FBH1: variants seen among roughly 807,000 people sequenced by gnomAD.
FBH1 encodes the protein F-box DNA helicase 1.
In FBH1, 43 loss-of-function variants were observed where a neutral mutation model predicts 115.5. That is an observed-to-expected ratio of 0.37 (90% CI 0.29 to 0.48). The LOEUF (loss-of-function observed/expected upper bound fraction) is 0.48. Ranked by LOEUF, FBH1 falls within the 20% of genes least tolerant of loss-of-function variation. The probability of loss-of-function intolerance (pLI) is 0.99; values close to 1 mark genes in which losing one functional copy is unlikely to be tolerated. For synonymous variants in FBH1, 524 were observed against 507.8 expected, an observed-to-expected ratio of 1.03 and a Z score of -0.43; for missense variants, 1,001 against 1,337.3, an observed-to-expected ratio of 0.75 and a Z score of 3.92.
rs753988824 is a variant in FBH1 at position 5,894,338 on chromosome 10, G to T, written c.1+3992G>T. Reference sequence around the variant, plus strand: ...TTCTTTGGTTCTGACATTTCACAATGATTTTAAAAAAATGTAATATGGAAA... The same window carrying T: ...TTCTTTGGTTCTGACATTTCACAATTATTTTAAAAAAATGTAATATGGAAA... On this transcript the variant is annotated intron_variant, in intron 1 of 20. Coordinates refer to ENST00000362091, the MANE Select transcript of FBH1 (RefSeq NM_178150.3). 8.4e-6 allele frequency: 13 copies of T among 1,549,492 alleles called. No individual in the cohort carries two copies. The African/African-American group carries it at 1.5e-4, about 18-fold the overall frequency.
In FBH1 at chr10:5,923,428, C is replaced by T. The variant is rs180998543; in HGVS notation, c.2323-193C>T. On this transcript the variant is annotated intron_variant, in intron 15 of 20. Coordinates refer to ENST00000362091, the MANE Select transcript of FBH1 (RefSeq NM_178150.3). The surrounding 1 kb of genome is among the most constrained non-coding windows in gnomAD (Gnocchi z 5.7). Reference sequence around the variant, plus strand: ...GTGTTCAGGCCACGTGGCAGCCTTGCGCTTTCTGCTTCATGAAGTTTCCTG... The same window carrying T: ...GTGTTCAGGCCACGTGGCAGCCTTGTGCTTTCTGCTTCATGAAGTTTCCTG... 7.8e-5 allele frequency: 43 copies of T among 551,002 alleles called. No homozygotes were observed. The highest frequency in any genetic ancestry group is 2.8e-4 in the Admixed American group (9 of 31,872). The allele number at this position is 551,002 out of a possible 1,614,324, so 34.1% of individuals were successfully genotyped here. A position where few individuals can be genotyped will look rare whatever the true frequency, so the allele number is the denominator to read the frequency against.
chr10:5,935,214 G>A lies in FBH1; in HGVS notation c.2830-1242G>A, dbSNP rs1833253863. 1 of 152,246 alleles carries A rather than the reference G, an allele frequency of 6.6e-6. No individual in the cohort carries two copies. The highest frequency in any genetic ancestry group is 6.5e-5 in the Admixed American group (1 of 15,288). The allele number at this position is 152,246 out of a possible 1,614,324, so 9.4% of individuals were successfully genotyped here. On this transcript the variant is annotated intron_variant, in intron 19 of 20. Transcript: ENST00000362091. The surrounding 1 kb of genome is among the most constrained non-coding windows in gnomAD (Gnocchi z 5.2). Reference sequence around the variant, plus strand: ...TGGAGAAACTTCTGGAGTGGACAGGGAGTCAGGTACAGGATGTTCATTGCT... The same window carrying A: ...TGGAGAAACTTCTGGAGTGGACAGGAAGTCAGGTACAGGATGTTCATTGCT...
intron 1 of FBH1, among the ~76,000 whole-genome samples, chr10:5,899,441 G>T (rs1359309248): frequency 6.6e-6 from 1 of 152,082 alleles, no homozygotes; most frequent in Admixed American, 6.6e-5. Flanking sequence ...ACTTTCTTTA[G>T]TGAGTGTCTC....
Position 5,936,888 on chromosome 10 carries a change from G to A in FBH1, c.2962-222G>A. 1 of 612,264 alleles carries A rather than the reference G, an allele frequency of 1.6e-6. No homozygotes were observed. The highest frequency in any genetic ancestry group is 2.8e-6 in the Non-Finnish European group (1 of 352,672). The allele number at this position is 612,264 out of a possible 1,614,324, so 37.9% of individuals were successfully genotyped here. On this transcript the variant is annotated intron_variant, in intron 20 of 20. Coordinates refer to ENST00000362091, the MANE Select transcript of FBH1 (RefSeq NM_178150.3). The surrounding 1 kb of genome is among the most constrained non-coding windows in gnomAD (Gnocchi z 5.6). Reference sequence around the variant, plus strand: ...TTTTCTTGGTTCTTTATCTTGACTGGATAAATGACTGTTTCTGAGCTCAGG... The same window carrying A: ...TTTTCTTGGTTCTTTATCTTGACTGAATAAATGACTGTTTCTGAGCTCAGG...
intron 1 of FBH1, among the ~76,000 whole-genome samples, chr10:5,893,467 G>A (rs1842846471): frequency 6.6e-6 from 1 of 152,104 alleles, no homozygotes; most frequent in South Asian, 2.1e-4. Flanking sequence ...CTTATCTCCT[G>A]TCATTCCTCA....
chr10:5,900,937 A>C lies in FBH1; in HGVS notation c.2-2083A>C, dbSNP rs1843308150. Among the ~76,000 whole-genome samples the C allele has an allele frequency of 6.6e-6, 1 of 152,112 alleles. No homozygotes were observed. The highest frequency in any genetic ancestry group is 1.5e-5 in the Non-Finnish European group (1 of 68,034). ...CATAGTAAAACCCCGTCTCTACTAA[A>C]GATACAAAAGTTAGCTGGGTGTGGT... On this transcript the variant is annotated intron_variant, in intron 1 of 20. Coordinates refer to ENST00000362091, the MANE Select transcript of FBH1 (RefSeq NM_178150.3). This position sits in a 1 kb window ranked among gnomAD's most constrained non-coding sequence, Gnocchi z 4.2.
Position 5,924,356 on chromosome 10 carries a change from A to G in FBH1, c.2444A>G (p.Lys815Arg). The G allele has an allele frequency of 1.2e-6, 2 of 1,614,236 alleles. No individual in the cohort carries two copies. Among genetic ancestry groups the G allele is most frequent in the Non-Finnish European group, 1.7e-6 (2 of 1,180,042 alleles). Residue 815 changes from lysine to arginine, a missense_variant, in exon 17 of 21, where the codon AAA (lysine) becomes AGA (arginine). Coordinates refer to ENST00000362091, the MANE Select transcript of FBH1 (RefSeq NM_178150.3). This position sits in a 1 kb window ranked among gnomAD's most constrained non-coding sequence, Gnocchi z 6.2. ...AAATTTATCAGAAGATGGGTGCACA[A>G]AGAAGGCTTTAGTGGCTTCAAGAGG... ...KDKFIRRWVH[K>R]EGFSGFKRYV...
Position 5,916,285 on chromosome 10 carries a change from C to T in FBH1, c.1617C>T (p.Val539=). The change falls in exon 10 of 21, where the codon GTC becomes GTT. Residue 539 remains valine, a synonymous_variant. Transcript: ENST00000362091. The part of the protein sequence containing the change: ...LNLFKLTPFM[V]NSVLAEGKGG... Reference sequence around the variant, plus strand: ...TCTTCAAGTTAACACCCTTCATGGTCAACTCCGTCCTTGCTGAAGGGAAGG... The same window carrying T: ...TCTTCAAGTTAACACCCTTCATGGTTAACTCCGTCCTTGCTGAAGGGAAGG... 6.2e-7 allele frequency: 1 copy of T among 1,614,196 alleles called. No individual in the cohort carries two copies. The highest frequency in any genetic ancestry group is 8.5e-7 in the Non-Finnish European group (1 of 1,180,044).
chr10:5,890,323 G>GGGGTCCGGGTCC lies in FBH1; in HGVS notation c.-20_-9dup. On this transcript the variant is annotated 5_prime_UTR_variant, in exon 1 of 21. Coordinates refer to ENST00000362091, the MANE Select transcript of FBH1 (RefSeq NM_178150.3). ...GCGCGGGCCCGGCGGCGGCGGCAGC[G>GGGGTCCGGGTCC]GGGTCCGGGTCCGGAGCGCCACAGT... 5.3e-6 allele frequency: 2 copies of GGGGTCCGGGTCC among 377,336 alleles called. No homozygotes were observed. Among genetic ancestry groups the GGGGTCCGGGTCC allele is most frequent in the Non-Finnish European group, 9.9e-6 (2 of 202,908 alleles). The allele number at this position is 377,336 out of a possible 1,614,324, so 23.4% of individuals were successfully genotyped here.
rs530998125 is a variant in FBH1 at position 5,918,016 on chromosome 10, T to C, written c.1964-326T>C. On this transcript the variant is annotated intron_variant, in intron 12 of 20. Transcript: ENST00000362091. The surrounding 1 kb of genome is among the most constrained non-coding windows in gnomAD (Gnocchi z 4.0). ...AGTGGCTAGGAGAGAACAGACAGTG[T>C]TATCCGTCTGACTTTGTAGGTCAAT... Among the ~76,000 whole-genome samples, 134 of 152,320 alleles carry C rather than the reference T, an allele frequency of 8.8e-4. 1 individual carries two copies. Among genetic ancestry groups the C allele is most frequent in the Non-Finnish European group, 1.7e-3 (118 of 68,024 alleles).
intron 2 of FBH1, 58 bp from the exon 3 acceptor site, chr10:5,905,979 C>A: frequency 8.0e-7 from 1 of 1,252,836 alleles, no homozygotes; most frequent in Non-Finnish European, 1.1e-6. Flanking sequence ...TATGGATTAA[C>A]AGCAGGTCAA....
At chr10:5,920,005 T>C (rs985832997) in intron 13 of FBH1, among the ~76,000 whole-genome samples, 3 of 152,238 alleles carry the variant, frequency 2.0e-5, no homozygotes, top group African/African-American at 7.2e-5. Context: ...ATGGTTCATT[T>C]GCATTTCCTT....
rs914819656 is a variant in FBH1, at chr10:5,933,324, G to T, written c.2830-3132G>T. On this transcript the variant is annotated intron_variant, in intron 19 of 20. Transcript: ENST00000362091. The surrounding 1 kb of genome is among the most constrained non-coding windows in gnomAD (Gnocchi z 4.9). ...AATCACTTGAATCCGGGAGGCAGAGGTTGCAGTAGGCTGAAATCGTGCCAC... is the reference window on the plus strand; with the variant it reads ...AATCACTTGAATCCGGGAGGCAGAGTTTGCAGTAGGCTGAAATCGTGCCAC... Among the ~76,000 whole-genome samples the T allele has an allele frequency of 1.3e-5, 2 of 152,194 alleles. No individual in the cohort carries two copies. The highest frequency in any genetic ancestry group is 2.9e-5 in the Non-Finnish European group (2 of 68,042).
In FBH1 at chr10:5,936,428, A is replaced by C; in HGVS notation, c.2830-28A>C. On this transcript the variant is annotated intron_variant, in intron 19 of 20. Transcript: ENST00000362091. The surrounding 1 kb of genome is among the most constrained non-coding windows in gnomAD (Gnocchi z 5.6). Reference sequence around the variant, plus strand: ...AGACCCTAACGGAGGTGTCGCCATGACTCTCTTTCTCGCTCTTTCTTTCTC... The same window carrying C: ...AGACCCTAACGGAGGTGTCGCCATGCCTCTCTTTCTCGCTCTTTCTTTCTC... The C allele has an allele frequency of 6.2e-7, 1 of 1,609,686 alleles. No homozygotes were observed. The highest frequency in any genetic ancestry group is 8.5e-7 in the Non-Finnish European group (1 of 1,177,712).
rs908956224 is a variant in FBH1 at position 5,920,747 on chromosome 10, C to T, written c.2101-511C>T. ...CCCCGAGTGTAGGGAAGAATGATAT[C>T]TTGCCAGCTGGAGGGGCGAAGGAAG... On this transcript the variant is annotated intron_variant, in intron 13 of 20. Transcript: ENST00000362091. Among the ~76,000 whole-genome samples the T allele has an allele frequency of 2.0e-5, 3 of 152,048 alleles. No homozygotes were observed. In the South Asian group the frequency reaches 6.2e-4, roughly 32 times the overall value.
At chr10:5,889,870 C>G (rs1842588100), upstream of FBH1, 1 of 159,780 alleles carries the variant, frequency 6.3e-6, no homozygotes, top group Non-Finnish European at 1.4e-5. Flanking sequence ...TGACCTGCCC[C>G]GCACGCGTCC....
At chr10:5,899,330 T>C (rs915824395) in intron 1 of FBH1, among the ~76,000 whole-genome samples, 1 of 152,194 alleles carries the variant, frequency 6.6e-6, no homozygotes, top group African/African-American at 2.4e-5. Flanking sequence ...TTTTGTTTTG[T>C]TTTTTTCCTT....
At chr10:5,922,203 G>C (rs962762668) in intron 15 of FBH1, among the ~76,000 whole-genome samples, 1 of 152,054 alleles carries the variant, frequency 6.6e-6, no homozygotes, top group African/African-American at 2.4e-5. Context: ...ATAATCAAAA[G>C]GTGTTTTAAG....
chr10:5,916,007 G>A, intron 9 of FBH1: 1 of 554,830 alleles, frequency 1.8e-6, no homozygotes, highest in Non-Finnish European at 3.2e-6. Context: ...TGGAATAGCA[G>A]TGTCTGCCGA....
Sources: allele counts gnomAD v4.1 joint callset (sites outside exome capture counted in the v4.1 genomes callset), GRCh38; gene constraint gnomAD v4.1.1; non-coding constraint Gnocchi (gnomAD v3.1); transcripts MANE v1.5; gene names NCBI Gene and HGNC (gene_info 2026-07-23, HGNC 2026-07-21).